Variants in KCNH7 observed in about 807,000 individuals in gnomAD.
The protein encoded by KCNH7 is potassium voltage-gated channel subfamily H member 7, also known as voltage-gated inwardly rectifying potassium channel KCNH7.
A neutral mutation model predicts 120.8 loss-of-function variants in KCNH7; 49 were observed. The ratio of observed to expected loss-of-function variants is 0.41; its 90% CI spans 0.32 to 0.51. The LOEUF (loss-of-function observed/expected upper bound fraction) is 0.51. Among genes scored for constraint, KCNH7 ranks in the 20% least tolerant of loss-of-function variants. The probability of loss-of-function intolerance (pLI) is 0.38; values close to 1 mark genes in which losing one functional copy is unlikely to be tolerated. For missense variants in KCNH7, 1,097 were observed against 1,446.6 expected, an observed-to-expected ratio of 0.76 and a Z score of 3.92; for synonymous variants, 547 against 516.1, an observed-to-expected ratio of 1.06 and a Z score of -0.81.
At chr2:162,486,174 C>G (rs1690088925) in intron 6 of KCNH7, among the ~76,000 whole-genome samples, 1 of 152,142 alleles carries the variant, frequency 6.6e-6, no homozygotes, top group African/African-American at 2.4e-5. Context: ...TGGTTCTCCT[C>G]ACACCATAGG....
chr2:162,650,066 T>G (rs943742909), intron 2 of KCNH7, among the ~76,000 whole-genome samples: 1 of 152,178 alleles, frequency 6.6e-6, no homozygotes, highest in Non-Finnish European at 1.5e-5. Flanking sequence ...TACATGCTAT[T>G]TAGCTCATTG....
At chr2:162,695,601 A>C (rs1393161448) in intron 2 of KCNH7, among the ~76,000 whole-genome samples, 1 of 152,172 alleles carries the variant, frequency 6.6e-6, no homozygotes, top group Non-Finnish European at 1.5e-5. Flanking sequence ...GTTTTCACTG[A>C]ACTGCACAAA....
intron 8 of KCNH7, among the ~76,000 whole-genome samples, chr2:162,432,364 T>C (rs1688097529): frequency 6.6e-6 from 1 of 152,016 alleles, no homozygotes; most frequent in Non-Finnish European, 1.5e-5. Context: ...GTTATTGAAA[T>C]GTAATGTTAT....
At chr2:162,659,337 A>G (rs1684875520) in intron 2 of KCNH7, among the ~76,000 whole-genome samples, 1 of 150,402 alleles carries the variant, frequency 6.6e-6, no homozygotes, top group Non-Finnish European at 1.5e-5. Flanking sequence ...ATAGTGGCAT[A>G]TAATTCTTTT....
intron 2 of KCNH7, among the ~76,000 whole-genome samples, chr2:162,604,610 C>T (rs1694669880): frequency 6.6e-6 from 1 of 152,186 alleles, no homozygotes; most frequent in Middle Eastern, 3.4e-3. Context: ...ATCTCGCCCT[C>T]CTTTCTGTAT....
At chr2:162,541,861 A>G (rs1289226908) in intron 2 of KCNH7, among the ~76,000 whole-genome samples, 2 of 152,086 alleles carry the variant, frequency 1.3e-5, no homozygotes, top group African/African-American at 2.4e-5. Context: ...AAAATTGAAG[A>G]AAAAAAGGCT....
intron 2 of KCNH7, among the ~76,000 whole-genome samples, chr2:162,617,707 G>C (rs1683199934): frequency 6.6e-6 from 1 of 152,016 alleles, no homozygotes; most frequent in Non-Finnish European, 1.5e-5. Flanking sequence ...TTAGTGTAAC[G>C]TTTCTAAGGG....
At chr2:162,779,197 G>T (rs555616923) in intron 2 of KCNH7, among the ~76,000 whole-genome samples, 184 of 150,982 alleles carry the variant, frequency 1.2e-3, no homozygotes, top group Non-Finnish European at 2.0e-3. Flanking sequence ...TGTTTTTTTT[G>T]TTTGTTTGTT....
chr2:162,563,454 T>TG (rs2105883465), intron 2 of KCNH7, among the ~76,000 whole-genome samples: 1 of 152,284 alleles, frequency 6.6e-6, no homozygotes, highest in South Asian at 2.1e-4. Flanking sequence ...TTCTCAGTGG[T>TG]GGTTTTGCTT....
At chr2:162,556,533 G>C (rs989738749) in intron 2 of KCNH7, among the ~76,000 whole-genome samples, 1 of 152,016 alleles carries the variant, frequency 6.6e-6, no homozygotes, top group South Asian at 2.1e-4. Flanking sequence ...TTCATTTGGG[G>C]ACAAAAAGAT....
chr2:162,754,742 G>T (rs1310799924), intron 2 of KCNH7, among the ~76,000 whole-genome samples: 1 of 152,114 alleles, frequency 6.6e-6, no homozygotes, highest in Non-Finnish European at 1.5e-5. Flanking sequence ...AAACCAGCAG[G>T]AAGTAATGTC....
intron 2 of KCNH7, among the ~76,000 whole-genome samples, chr2:162,672,713 A>G (rs529662244): frequency 5.3e-5 from 8 of 152,112 alleles, no homozygotes; most frequent in Non-Finnish European, 8.8e-5. Context: ...TTATTAACTT[A>G]AATTCTCCTT....
intron 5 of KCNH7, among the ~76,000 whole-genome samples, chr2:162,511,143 G>T (rs1405196057): frequency 2.0e-5 from 3 of 151,446 alleles, no homozygotes; most frequent in Non-Finnish European, 4.4e-5. Flanking sequence ...AAATGAGAGA[G>T]TTGAGAAAAA....
intron 2 of KCNH7, among the ~76,000 whole-genome samples, chr2:162,721,343 G>T (rs1574305645): frequency 6.6e-6 from 1 of 152,082 alleles, no homozygotes; most frequent in African/African-American, 2.4e-5. Context: ...AGCCATGCTG[G>T]TAGCAGAATG....
intron 4 of KCNH7, 137 bp downstream of exon 4, chr2:162,517,593 A>T: frequency 4.5e-6 from 3 of 672,394 alleles, no homozygotes; most frequent in Non-Finnish European, 7.2e-6. Flanking sequence ...TGAGTGTAGG[A>T]CTCAGGTTTT....
At chr2:162,575,720 C>T (rs181980989) in intron 2 of KCNH7, among the ~76,000 whole-genome samples, 13 of 152,220 alleles carry the variant, frequency 8.5e-5, no homozygotes, top group Admixed American at 7.9e-4. Context: ...CTGCATGTAA[C>T]TGCATTGCCT....
rs145022887 is a variant in KCNH7, at chr2:162,478,089, G to A, written c.1128+26354C>T. Among the ~76,000 whole-genome samples, 6 of 152,308 alleles carry A rather than the reference G, an allele frequency of 3.9e-5. No individual in the cohort carries two copies. The East Asian group carries it at 9.6e-4, about 24-fold the overall frequency. ...ATGAATTTAACTCAGGTTAAGGAAG[G>A]CATCCTTGAGGAAATGGGCTAGGTA... On this transcript the variant is annotated intron_variant, in intron 6 of 15. Coordinates refer to ENST00000332142, the MANE Select transcript of KCNH7 (RefSeq NM_033272.4).
At chr2:162,492,709 T>C (rs1226042480) in intron 6 of KCNH7, among the ~76,000 whole-genome samples, 1 of 152,056 alleles carries the variant, frequency 6.6e-6, no homozygotes. Context: ...TTGGTAAAGC[T>C]CAAAAGCCAG....
chr2:162,581,847 G>T (rs1693875104), intron 2 of KCNH7, among the ~76,000 whole-genome samples: 1 of 152,030 alleles, frequency 6.6e-6, no homozygotes, highest in Non-Finnish European at 1.5e-5. Flanking sequence ...CCAGAAAGAT[G>T]CCTGAAATCT....
Sources: gnomAD v4.1 joint callset for allele counts (sites outside exome capture counted in the v4.1 genomes callset) on GRCh38, gnomAD v4.1.1 for gene constraint, MANE v1.5 for transcripts, NCBI Gene and HGNC (gene_info 2026-07-23, HGNC 2026-07-21) for gene names.